The following CTNND2 variants were observed in gnomAD, a reference collection of about 807,000 sequenced individuals.
The protein encoded by CTNND2 is catenin delta-2.
A neutral mutation model predicts 144.4 loss-of-function variants in CTNND2; 22 were observed. The ratio of observed to expected loss-of-function variants is 0.15; its 90% CI spans 0.11 to 0.22. The LOEUF (loss-of-function observed/expected upper bound fraction) is 0.22, where lower values mean the gene tolerates loss of function less well. Ranked by LOEUF, CTNND2 falls within the 10% of genes least tolerant of loss-of-function variation. CTNND2 has a pLI of 1.00. For missense variants in CTNND2, 1,353 were observed against 1,618.8 expected, an observed-to-expected ratio of 0.84 and a Z score of 2.82; for synonymous variants, 751 against 695.6, an observed-to-expected ratio of 1.08 and a Z score of -1.25.
At chr5:11,440,371 G>A (rs1764156985) in intron 3 of CTNND2, among the ~76,000 whole-genome samples, 1 of 152,202 alleles carries the variant, frequency 6.6e-6, no homozygotes, top group South Asian at 2.1e-4. Flanking sequence ...TCAACTGGCT[G>A]TAGAGGGCTT....
intron 9 of CTNND2, among the ~76,000 whole-genome samples, chr5:11,299,929 A>T (rs1157763023): frequency 6.6e-6 from 1 of 150,786 alleles, no homozygotes; most frequent in Non-Finnish European, 1.5e-5. Context: ...CCATGTAGAA[A>T]CACGGCCACT....
At chr5:11,706,750 G>GT (rs201779503) in intron 2 of CTNND2, among the ~76,000 whole-genome samples, 1,802 of 151,882 alleles carry the variant, frequency 0.012, 29 homozygotes, top group African/African-American at 0.042. Context: ...ATCATAATTA[G>GT]TTTTTTTTGA....
chr5:11,191,240 A>T (rs1413720615), intron 11 of CTNND2, among the ~76,000 whole-genome samples: 4 of 152,166 alleles, frequency 2.6e-5, no homozygotes, highest in Non-Finnish European at 5.9e-5. Flanking sequence ...CAATCTTCGT[A>T]GGGATAGGGG....
At chr5:11,598,317 C>T (rs907929856) in intron 2 of CTNND2, among the ~76,000 whole-genome samples, 16 of 152,206 alleles carry the variant, frequency 1.1e-4, no homozygotes, top group African/African-American at 3.9e-4. Flanking sequence ...TCCCTCTACA[C>T]CACAACCAAG....
chr5:10,992,538 G>C lies in CTNND2; in HGVS notation c.3211+13C>G. The C allele has an allele frequency of 6.2e-7, 1 of 1,613,626 alleles. No homozygotes were observed. Among genetic ancestry groups the C allele is most frequent in the Non-Finnish European group, 8.5e-7 (1 of 1,179,986 alleles). On this transcript the variant is annotated intron_variant, in intron 19 of 21. Transcript: ENST00000304623. ...AAATAAAGCCTGGCTGGCTAGCCAC[G>C]GCAGCCTCTTACCTGAGCGGTTGTT...
intron 3 of CTNND2, among the ~76,000 whole-genome samples, chr5:11,435,588 A>C (rs960249542): frequency 2.0e-5 from 3 of 152,184 alleles, no homozygotes; most frequent in African/African-American, 7.2e-5. Context: ...GTTCCCATAC[A>C]TTTTTATACA....
chr5:11,272,062 T>A (rs552827546), intron 9 of CTNND2, among the ~76,000 whole-genome samples: 1 of 152,328 alleles, frequency 6.6e-6, no homozygotes, highest in Non-Finnish European at 1.5e-5. Context: ...TTTACAAGTA[T>A]AATTTCCATG....
chr5:11,503,942 A>T (rs1770761504), intron 3 of CTNND2, among the ~76,000 whole-genome samples: 1 of 152,240 alleles, frequency 6.6e-6, no homozygotes, highest in Admixed American at 6.5e-5. Flanking sequence ...AGGACAACAC[A>T]TAAATCATTT....
chr5:11,511,430 G>A (rs887542637), intron 3 of CTNND2, among the ~76,000 whole-genome samples: 1 of 152,116 alleles, frequency 6.6e-6, no homozygotes, highest in Non-Finnish European at 1.5e-5. Flanking sequence ...GCTGGGAGGG[G>A]AGAAGGTTGT....
chr5:11,857,045 G>A (rs143436667), intron 1 of CTNND2, among the ~76,000 whole-genome samples: 18 of 152,192 alleles, frequency 1.2e-4, no homozygotes, highest in East Asian at 5.8e-4. Flanking sequence ...AAAATTTCAC[G>A]TACTTCACAT....
intron 10 of CTNND2, among the ~76,000 whole-genome samples, chr5:11,227,368 A>G (rs1319616460): frequency 2.0e-5 from 3 of 152,236 alleles, no homozygotes; most frequent in African/African-American, 7.2e-5. Context: ...GCTAGAAAGT[A>G]GTACAGCAGC....
intron 1 of CTNND2, among the ~76,000 whole-genome samples, chr5:11,887,667 T>C (rs912258421): frequency 5.3e-5 from 8 of 152,240 alleles, no homozygotes; most frequent in African/African-American, 1.7e-4. Context: ...CTAAAGTTCA[T>C]ACTTAATTCA....
intron 8 of CTNND2, among the ~76,000 whole-genome samples, chr5:11,364,348 G>T (rs1756757370): frequency 6.6e-6 from 1 of 152,180 alleles, no homozygotes; most frequent in South Asian, 2.1e-4. Flanking sequence ...TCAAGCATAC[G>T]TCTTTCACGT....
intron 1 of CTNND2, among the ~76,000 whole-genome samples, chr5:11,780,387 C>T (rs975630929): frequency 1.3e-5 from 2 of 152,168 alleles, no homozygotes; most frequent in Non-Finnish European, 2.9e-5. Context: ...CTCTATTCCA[C>T]GTGCTGTCTC....
At chr5:10,978,874 G>A (rs536812327) in intron 21 of CTNND2, among the ~76,000 whole-genome samples, 1 of 152,278 alleles carries the variant, frequency 6.6e-6, no homozygotes, top group South Asian at 2.1e-4. Flanking sequence ...TTAAATGCTC[G>A]GGATCTGCTT....
chr5:11,062,442 C>T (rs1747101532), intron 16 of CTNND2, among the ~76,000 whole-genome samples: 1 of 152,148 alleles, frequency 6.6e-6, no homozygotes, highest in Non-Finnish European at 1.5e-5. Context: ...AAATGCAACC[C>T]CTAAATCTTG....
intron 3 of CTNND2, among the ~76,000 whole-genome samples, chr5:11,432,527 T>C (rs1486669219): frequency 6.6e-6 from 1 of 152,188 alleles, no homozygotes; most frequent in Admixed American, 6.5e-5. Flanking sequence ...TAGGTGTGCA[T>C]GACTCTGCAG....
chr5:11,564,052 TA>T (rs1776885232), intron 3 of CTNND2, among the ~76,000 whole-genome samples: 1 of 152,152 alleles, frequency 6.6e-6, no homozygotes, highest in Admixed American at 6.5e-5. Context: ...GATGGAGCCA[TA>T]GGGGATGGCA....
At chr5:11,076,366 A>G (rs1748952233) in intron 16 of CTNND2, among the ~76,000 whole-genome samples, 1 of 151,554 alleles carries the variant, frequency 6.6e-6, no homozygotes, top group Admixed American at 6.6e-5. Flanking sequence ...GCCTAAAATA[A>G]GTGTCTGCCA....
Sources: gnomAD v4.1 joint callset for allele counts (sites outside exome capture counted in the v4.1 genomes callset) on GRCh38, gnomAD v4.1.1 for gene constraint, MANE v1.5 for transcripts, NCBI Gene and HGNC (gene_info 2026-07-23, HGNC 2026-07-21) for gene names.